NEK1: variants seen among roughly 807,000 people sequenced by gnomAD.
NEK1 encodes the protein serine/threonine-protein kinase Nek1.
Under a neutral mutation model 182.1 loss-of-function variants are expected in NEK1, and 137 were observed. The ratio of observed to expected loss-of-function variants is 0.75; its 90% confidence interval spans 0.65 to 0.87. NEK1 has a LOEUF of 0.87. Ranked by LOEUF, NEK1 falls within the 40% of genes least tolerant of loss-of-function variation. The pLI is 0.00. For synonymous variants in NEK1, 513 were observed against 492.2 expected, an observed-to-expected ratio of 1.04 and a Z score of -0.56; for missense variants, 1,391 against 1,494.4, an observed-to-expected ratio of 0.93 and a Z score of 1.14.
chr4:169,511,935 T>C (rs920526919), intron 19 of NEK1, among the ~76,000 whole-genome samples: 4 of 152,184 alleles, frequency 2.6e-5, no homozygotes, highest in African/African-American at 9.6e-5. Context: ...AATGCATCAA[T>C]AGTTCATTCC....
rs70964208 is a variant in NEK1 at position 169,491,136 on chromosome 4, CAAAAAAAAAAAAA to C, written c.2008-11615_2008-11603del. Among the ~76,000 whole-genome samples, 28 of 45,916 alleles carry C rather than the reference CAAAAAAAAAAAAA, an allele frequency of 6.1e-4. 1 individual carries two copies. The highest frequency in any genetic ancestry group is 3.3e-3 in the African/African-American group (26 of 7,896). 30.1% of individuals were successfully genotyped at this position (45,916 alleles called of 152,430 possible). ...CCAGCAACAGAGGAAGACTCCATCT[CAAAAAAAAAAAAA>C]AAAAAAAAAAAAAAGAGAGATGGAG... On this transcript the variant is annotated intron_variant, in intron 23 of 35. Coordinates refer to ENST00000507142, the MANE Select transcript of NEK1 (RefSeq NM_001199397.3).
Position 169,445,842 on chromosome 4 carries a change from C to CTATATATA in NEK1, c.2588-7584_2588-7583insTATATATA, listed in dbSNP as rs1206499120. On this transcript the variant is annotated intron_variant, in intron 27 of 35. Transcript: ENST00000507142. ...ACCCACTAAACTTAAAACAAAACAA[C>CTATATATA]TATATACATATATATATATATATAC... Among the ~76,000 whole-genome samples, 35 of 108,578 alleles carry CTATATATA rather than the reference C, an allele frequency of 3.2e-4. 2 individuals carry two copies. The highest frequency in any genetic ancestry group is 1.6e-3 in the African/African-American group (33 of 20,910). 71.2% of individuals were successfully genotyped at this position (108,578 alleles called of 152,430 possible).
chr4:169,567,684 G>A (rs1763938799), intron 12 of NEK1, among the ~76,000 whole-genome samples: 1 of 152,140 alleles, frequency 6.6e-6, no homozygotes, highest in Admixed American at 6.5e-5. Flanking sequence ...ATGAGGCACT[G>A]CACCTAGCCA....
At chr4:169,593,443 A>C (rs1010056651) in intron 5 of NEK1, among the ~76,000 whole-genome samples, 1 of 152,222 alleles carries the variant, frequency 6.6e-6, no homozygotes, top group East Asian at 1.9e-4. Context: ...TAAAGGGAGT[A>C]ATGCCCTGAG....
intron 2 of NEK1, among the ~76,000 whole-genome samples, chr4:169,603,757 G>A (rs1770876806): frequency 6.7e-6 from 1 of 148,648 alleles, no homozygotes; most frequent in African/African-American, 2.5e-5. Context: ...CCAGGATGGA[G>A]TGCAGTCACA....
intron 28 of NEK1, among the ~76,000 whole-genome samples, chr4:169,435,033 C>CT (rs971106772): frequency 5.3e-5 from 8 of 152,156 alleles, no homozygotes; most frequent in Admixed American, 5.2e-4. Context: ...ATTTTCTTTT[C>CT]TTTTTTAAAG....
Position 169,406,736 on chromosome 4 carries a change from T to A in NEK1, c.3234A>T (p.Thr1078=), listed in dbSNP as rs372753746. The A allele has an allele frequency of 1.9e-6, 3 of 1,581,078 alleles. No individual in the cohort carries two copies. The highest frequency in any genetic ancestry group is 2.6e-6 in the Non-Finnish European group (3 of 1,169,336). The change falls in exon 32 of 36, where the codon ACA becomes ACT. Residue 1078 remains threonine (T), a synonymous_variant. Coordinates refer to ENST00000507142, the MANE Select transcript of NEK1 (RefSeq NM_001199397.3). ...FDANNPKMLR[T]CSLPDLSKLF... is the part of the protein sequence containing the mutation. ...GCTTTGAGAGATCTGGAAGTGAACA[T>A]GTCCTTAACATCTAAAATAAAAATC... is the stretch of plus-strand genomic sequence containing the variant.
chr4:169,604,527 T>C (rs1461367726), intron 2 of NEK1, among the ~76,000 whole-genome samples: 1 of 152,240 alleles, frequency 6.6e-6, no homozygotes, highest in Non-Finnish European at 1.5e-5. Flanking sequence ...TGTGATTCCT[T>C]TCTAGGAGAA....
At chr4:169,513,530 C>A (rs996120952) in intron 19 of NEK1, among the ~76,000 whole-genome samples, 1 of 152,070 alleles carries the variant, frequency 6.6e-6, no homozygotes, top group Non-Finnish European at 1.5e-5. Context: ...ATAGCAACAA[C>A]TTTATTTCAT....
At chr4:169,466,288 C>T (rs943099201) in intron 26 of NEK1, among the ~76,000 whole-genome samples, 24 of 151,602 alleles carry the variant, frequency 1.6e-4, no homozygotes, top group African/African-American at 5.6e-4. Flanking sequence ...TTGATGAAAA[C>T]TATAAACTCA....
intron 2 of NEK1, among the ~76,000 whole-genome samples, chr4:169,609,950 T>C (rs1772035244): frequency 2.0e-5 from 3 of 151,966 alleles, no homozygotes; most frequent in Non-Finnish European, 4.4e-5. Flanking sequence ...TGAACTATGC[T>C]CCAGAAAAAA....
At chr4:169,501,140 G>C (rs1752351037) in intron 23 of NEK1, among the ~76,000 whole-genome samples, 1 of 152,024 alleles carries the variant, frequency 6.6e-6, no homozygotes, top group African/African-American at 2.4e-5. Context: ...ATCAACAACA[G>C]TACAAAAGGA....
At chr4:169,557,023 A>G (rs1463835565) in intron 16 of NEK1, among the ~76,000 whole-genome samples, 3 of 152,244 alleles carry the variant, frequency 2.0e-5, no homozygotes, top group Non-Finnish European at 4.4e-5. Flanking sequence ...GTTTGCGTTC[A>G]AATAATAAAT....
At chr4:169,571,383 G>A (rs909058438) in intron 12 of NEK1, among the ~76,000 whole-genome samples, 10 of 152,012 alleles carry the variant, frequency 6.6e-5, no homozygotes, top group African/African-American at 2.4e-4. Flanking sequence ...CTGTAGTGGA[G>A]GAAACTGGTA....
At chr4:169,439,600 G>T (rs149978499) in intron 27 of NEK1, among the ~76,000 whole-genome samples, 3 of 151,970 alleles carry the variant, frequency 2.0e-5, no homozygotes, top group Non-Finnish European at 2.9e-5. Context: ...ATACCATATC[G>T]CATTATTATT....
At chr4:169,427,053 G>T (rs1736521744) in intron 29 of NEK1, among the ~76,000 whole-genome samples, 1 of 152,048 alleles carries the variant, frequency 6.6e-6, no homozygotes, top group Admixed American at 6.5e-5. Context: ...ATTTATCTCT[G>T]GGAGTTAGCT....
chr4:169,507,825 G>C (rs1032576655), intron 21 of NEK1, 33 bp from the exon 22 acceptor site: 2 of 1,472,554 alleles, frequency 1.4e-6, no homozygotes, highest in African/African-American at 2.8e-5. Context: ...AATCACTTAG[G>C]ATAGAATCAT....
intron 32 of NEK1, among the ~76,000 whole-genome samples, 190 bp downstream of exon 32, chr4:169,406,406 T>C (rs147604984): frequency 5.1e-4 from 78 of 152,020 alleles, no homozygotes; most frequent in African/African-American, 1.8e-3. Context: ...ATAGCCACTG[T>C]GTCCAGCCTG....
intron 12 of NEK1, among the ~76,000 whole-genome samples, chr4:169,572,189 T>C (rs1764980018): frequency 6.6e-6 from 1 of 152,196 alleles, no homozygotes; most frequent in South Asian, 2.1e-4. Flanking sequence ...GCAGTTAGAC[T>C]AATCATGAGA....
Sources: allele counts gnomAD v4.1 joint callset (sites outside exome capture counted in the v4.1 genomes callset), GRCh38; gene constraint gnomAD v4.1.1; transcripts MANE v1.5; gene names NCBI Gene and HGNC (gene_info 2026-07-23, HGNC 2026-07-21).